The following MRPS2 variants were observed in gnomAD, a reference collection of about 807,000 sequenced individuals.
MRPS2 encodes the protein mitochondrial ribosomal protein S2.
Under a neutral mutation model 18.9 loss-of-function variants are expected in MRPS2, and 13 were observed. That is an observed-to-expected ratio of 0.69 (90% CI 0.45 to 1.09). The LOEUF (loss-of-function observed/expected upper bound fraction) is 1.09, where lower values mean the gene tolerates loss of function less well. Among genes scored for constraint, MRPS2 ranks in the 50% least tolerant of loss-of-function variants. MRPS2 has a pLI of 0.00. For synonymous variants in MRPS2, 186 were observed against 178.4 expected, an observed-to-expected ratio of 1.04 and a Z score of -0.34; for missense variants, 389 against 421.7, an observed-to-expected ratio of 0.92 and a Z score of 0.68.
Position 135,503,925 on chromosome 9 carries a change from A to C in MRPS2, c.683A>C (p.Asn228Thr), listed in dbSNP as rs1327678638. 1 of 1,613,550 alleles carries C rather than the reference A, an allele frequency of 6.2e-7. No individual in the cohort carries two copies. The highest frequency in any genetic ancestry group is 1.3e-5 in the African/African-American group (1 of 74,828). Residue 228 changes from asparagine (N) to threonine (T), a missense_variant, in exon 4 of 4, where the codon AAC becomes ACC. Physicochemically the swap from Asn to Thr is moderately conservative, Grantham distance 65. Transcript: ENST00000241600. ...GTGGGCATCGTGGACACCAACTGCAACCCCTGCCTCATCACCTACCCTGTA... is the reference window on the plus strand; with the variant it reads ...GTGGGCATCGTGGACACCAACTGCACCCCCTGCCTCATCACCTACCCTGTA... ...PTVGIVDTNC[N>T]PCLITYPVPG...
At chr9:135,503,130 G>T (rs750249258) in intron 3 of MRPS2, 16 of 1,044,828 alleles carry the variant, frequency 1.5e-5, no homozygotes, top group Non-Finnish European at 1.5e-5. Context: ...AATGCTTTTG[G>T]CCCAGAGCAC....
At position 135,503,654 on chromosome 9, in the gene MRPS2, C is replaced by T. The variant is rs753018156; in HGVS notation, c.412C>T (p.Arg138Cys). Reference sequence around the variant, plus strand: ...GAACTTCACCGCCCACATGGCCTACCGCAAGGGCATCATCTTGTTTATAAG... The same window carrying T: ...GAACTTCACCGCCCACATGGCCTACTGCAAGGGCATCATCTTGTTTATAAG... ...ALNFTAHMAY[R>C]KGIILFISRN... The change falls in exon 4 of 4, where the codon CGC becomes TGC. Residue 138 changes from arginine (R) to cysteine (C), a missense_variant. Physicochemically the swap from Arg to Cys is radical, Grantham distance 180. Coordinates refer to ENST00000241600, the MANE Select transcript of MRPS2 (RefSeq NM_016034.5). 4 of 1,613,734 alleles carry T rather than the reference C, an allele frequency of 2.5e-6. No homozygotes were observed. The highest frequency in any genetic ancestry group is 1.1e-5 in the South Asian group (1 of 91,084).
In MRPS2 at chr9:135,501,043, C is replaced by T. The variant is rs140165953; in HGVS notation, c.89C>T (p.Thr30Ile). 5.6e-6 allele frequency: 9 copies of T among 1,610,802 alleles called. No individual in the cohort carries two copies. In the African/African-American group the frequency reaches 1.2e-4, roughly 22 times the overall value. Residue 30 changes from threonine (T) to isoleucine (I), a missense_variant, in exon 2 of 4, where the codon ACC becomes ATC. Coordinates refer to ENST00000241600, the MANE Select transcript of MRPS2 (RefSeq NM_016034.5). ...SRWLGFLGKA[T>I]PRPARPSRRT... Reference sequence around the variant, plus strand: ...TGGTTGGGCTTTCTCGGGAAGGCGACCCCCCGGCCTGCTCGGCCGAGCCGC... The same window carrying T: ...TGGTTGGGCTTTCTCGGGAAGGCGATCCCCCGGCCTGCTCGGCCGAGCCGC...
At position 135,504,312 on chromosome 9, in the gene MRPS2, C is replaced by T. The variant is rs899796439; in HGVS notation, c.*179C>T. ...CTGAGCGGACCAACGTTGCCATGTG[C>T]GTTTGCTCTGTGGGGAACAGAGCAC... On this transcript the variant is annotated 3_prime_UTR_variant, in exon 4 of 4. Transcript: ENST00000241600. This position sits in a 1 kb window ranked among gnomAD's most constrained non-coding sequence, Gnocchi z 4.3. 9.3e-6 allele frequency: 6 copies of T among 645,150 alleles called. No individual in the cohort carries two copies. The highest frequency in any genetic ancestry group is 1.9e-5 in the South Asian group (1 of 51,418). 40.0% of individuals were successfully genotyped at this position (645,150 alleles called of 1,614,324 possible).
rs1014884748 is a variant in MRPS2 at position 135,501,068 on chromosome 9, C to G, written c.114C>G (p.Arg38=). The change falls in exon 2 of 4, where the codon CGC becomes CGG. Residue 38 remains arginine (R), a synonymous_variant. Coordinates refer to ENST00000241600, the MANE Select transcript of MRPS2 (RefSeq NM_016034.5). The part of the protein sequence containing the change: ...KATPRPARPS[R]RTLGSATALM... Reference sequence around the variant, plus strand: ...CCCCCCGGCCTGCTCGGCCGAGCCGCAGGACGCTTGGAAGCGCGACGGCCC... The same window carrying G: ...CCCCCCGGCCTGCTCGGCCGAGCCGGAGGACGCTTGGAAGCGCGACGGCCC... The G allele has an allele frequency of 1.2e-6, 2 of 1,610,626 alleles. No homozygotes were observed. Among genetic ancestry groups the G allele is most frequent in the Non-Finnish European group, 1.7e-6 (2 of 1,179,016 alleles).
Position 135,503,893 on chromosome 9 carries a change from C to A in MRPS2, c.651C>A (p.Ile217=). 2 of 1,614,052 alleles carry A rather than the reference C, an allele frequency of 1.2e-6. No individual in the cohort carries two copies. Among genetic ancestry groups the A allele is most frequent in the South Asian group, 2.2e-5 (2 of 91,090 alleles). The change falls in exon 4 of 4, where the codon ATC becomes ATA. Residue 217 remains isoleucine, a synonymous_variant. Coordinates refer to ENST00000241600, the MANE Select transcript of MRPS2 (RefSeq NM_016034.5). ...TGAGAGACGCAGCCAAGATGAACAT[C>A]CCCACAGTGGGCATCGTGGACACCA... ...VAVRDAAKMN[I]PTVGIVDTNC...
intron 2 of MRPS2, chr9:135,501,575 C>G: frequency 8.8e-7 from 1 of 1,131,024 alleles, no homozygotes; most frequent in Non-Finnish European, 1.1e-6. Context: ...TTTTTCTCCT[C>G]TGTCTTCCAA....
chr9:135,501,833 C>T lies in MRPS2; in HGVS notation c.170-11C>T. Reference sequence around the variant, plus strand: ...TGGGAGACGCAGCGTCGCTCCTCCTCCCTGCCGTAGATTTCAACGACAAGA... The same window carrying T: ...TGGGAGACGCAGCGTCGCTCCTCCTTCCTGCCGTAGATTTCAACGACAAGA... On this transcript the variant is annotated splice_polypyrimidine_tract_variant and intron_variant, in intron 2 of 3. Coordinates refer to ENST00000241600, the MANE Select transcript of MRPS2 (RefSeq NM_016034.5). 6.2e-7 allele frequency: 1 copy of T among 1,613,102 alleles called. No individual in the cohort carries two copies. The highest frequency in any genetic ancestry group is 1.7e-4 in the Middle Eastern group (1 of 6,058).
intron 1 of MRPS2, 64 bp from the exon 2 acceptor site, chr9:135,500,934 C>A (rs771898618): frequency 5.0e-6 from 8 of 1,593,904 alleles, no homozygotes; most frequent in Non-Finnish European, 6.9e-6. Flanking sequence ...GTTGGGGATG[C>A]GGTGGGGAGC....
chr9:135,500,737 C>T lies in MRPS2; in HGVS notation c.27C>T (p.Pro9=). Residue 9 remains proline (P), a synonymous_variant, in exon 1 of 4, where the codon CCC becomes CCT. Coordinates refer to ENST00000241600, the MANE Select transcript of MRPS2 (RefSeq NM_016034.5). ...TGGCGACATCCTCGGCCGCGCTGCC[C>T]CGAATACTCGGCGCGGGTGAGCGCG... MATSSAAL[P]RILGAGARAP... The T allele has an allele frequency of 6.7e-7, 1 of 1,486,908 alleles. No individual in the cohort carries two copies. Among genetic ancestry groups the T allele is most frequent in the Non-Finnish European group, 8.9e-7 (1 of 1,123,736 alleles). The allele number at this position is 1,486,908 out of a possible 1,614,324, so 92.1% of individuals were successfully genotyped here.
In MRPS2 at chr9:135,504,331, A is replaced by G; in HGVS notation, c.*198A>G. The G allele has an allele frequency of 1.6e-6, 1 of 614,148 alleles. No individual in the cohort carries two copies. Among genetic ancestry groups the G allele is most frequent in the Non-Finnish European group, 2.8e-6 (1 of 351,074 alleles). The allele number at this position is 614,148 out of a possible 1,614,324, so 38.0% of individuals were successfully genotyped here. On this transcript the variant is annotated 3_prime_UTR_variant, in exon 4 of 4. Coordinates refer to ENST00000241600, the MANE Select transcript of MRPS2 (RefSeq NM_016034.5). The surrounding 1 kb of genome is among the most constrained non-coding windows in gnomAD (Gnocchi z 4.3). Reference sequence around the variant, plus strand: ...CATGTGCGTTTGCTCTGTGGGGAACAGAGCACAGAGGGTGAGCGACATGTG... The same window carrying G: ...CATGTGCGTTTGCTCTGTGGGGAACGGAGCACAGAGGGTGAGCGACATGTG...
intron 3 of MRPS2, 184 bp downstream of exon 3, chr9:135,502,157 C>A: frequency 7.1e-7 from 1 of 1,402,314 alleles, no homozygotes; most frequent in Non-Finnish European, 9.3e-7. Context: ...TTGGCGGACG[C>A]TCTTGTGTGC....
rs1042671691 is a variant in MRPS2, at chr9:135,501,070, G to GGAC, written c.118_120dup (p.Thr40dup). On this transcript the variant is annotated inframe_insertion, in exon 2 of 4. Coordinates refer to ENST00000241600, the MANE Select transcript of MRPS2 (RefSeq NM_016034.5). ...CCCCGGCCTGCTCGGCCGAGCCGCA[G>GGAC]GACGCTTGGAAGCGCGACGGCCCTT... 6.2e-7 allele frequency: 1 copy of GGAC among 1,610,374 alleles called. No individual in the cohort carries two copies. The highest frequency in any genetic ancestry group is 1.3e-5 in the African/African-American group (1 of 74,880).
At chr9:135,500,658 A>G, upstream of MRPS2, 1 of 1,405,720 alleles carries the variant, frequency 7.1e-7, no homozygotes, top group Non-Finnish European at 9.2e-7. Flanking sequence ...ACGGAAGGGG[A>G]GGCCGCTCGG....
chr9:135,500,560 G>GC, upstream of MRPS2: 3 of 812,808 alleles, frequency 3.7e-6, no homozygotes, highest in Non-Finnish European at 5.3e-6. Context: ...CGCGTGCCCC[G>GC]CCCCCGCAGG....
At chr9:135,502,302 T>G in intron 3 of MRPS2, 1 of 1,100,070 alleles carries the variant, frequency 9.1e-7, no homozygotes. Context: ...CCTTCTGGGC[T>G]GCGGGGAGGA....
At position 135,503,800 on chromosome 9, in the gene MRPS2, G is replaced by C. The variant is rs778832655; in HGVS notation, c.558G>C (p.Thr186=). The change falls in exon 4 of 4, where the codon ACG becomes ACC. Residue 186 remains threonine (T), a synonymous_variant. Transcript: ENST00000241600. ...ACGCGCGCCTCCTCTTTGGCCCCAC[G>C]GTCCGCCTGCCGGACCTCATCATCT... The part of the protein sequence containing the change: ...LTNARLLFGP[T]VRLPDLIIFL... 1.1e-5 allele frequency: 18 copies of C among 1,612,914 alleles called. No individual in the cohort carries two copies. The highest frequency in any genetic ancestry group is 6.7e-5 in the Admixed American group (4 of 59,994).
chr9:135,503,769 T>G lies in MRPS2; in HGVS notation c.527T>G (p.Leu176Arg). 6.2e-7 allele frequency: 1 copy of G among 1,612,904 alleles called. No individual in the cohort carries two copies. The highest frequency in any genetic ancestry group is 8.5e-7 in the Non-Finnish European group (1 of 1,179,964). ...ACTCGCTACTTCAGGGGCGGCATGC[T>G]GACCAACGCGCGCCTCCTCTTTGGC... ...AHTRYFRGGM[L>R]TNARLLFGPT... The change falls in exon 4 of 4, where the codon CTG becomes CGG. Residue 176 changes from leucine (L) to arginine (R), a missense_variant. Leu to Arg is a moderately radical substitution (Grantham distance 102). Transcript: ENST00000241600.
In MRPS2 at chr9:135,501,020, G is replaced by A; in HGVS notation, c.66G>A (p.Trp22Ter). The A allele has an allele frequency of 6.2e-7, 1 of 1,611,934 alleles. No homozygotes were observed. The highest frequency in any genetic ancestry group is 2.2e-5 in the East Asian group (1 of 44,806). The change falls in exon 2 of 4, where the codon TGG becomes TGA. Residue 22 changes from tryptophan to a stop codon, truncating the protein, a stop_gained. Transcript: ENST00000241600. LOFTEE classifies it high-confidence loss of function. ...CAGGTGCCCGGGCCCCGTCGCGCTG[G>A]TTGGGCTTTCTCGGGAAGGCGACCC... ...LGAGARAPSR[W>*]LGFLGKATPR...
Sources: gnomAD v4.1 joint callset for allele counts on GRCh38, gnomAD v4.1.1 for gene constraint, Gnocchi (gnomAD v3.1) non-coding constraint, MANE v1.5 for transcripts, NCBI Gene and HGNC (gene_info 2026-07-23, HGNC 2026-07-21) for gene names.